IFT43: variants seen among roughly 807,000 people sequenced by gnomAD.
IFT43 encodes the protein intraflagellar transport protein 43 homolog.
Under a neutral mutation model 32.3 loss-of-function variants are expected in IFT43, and 33 were observed. That is an observed-to-expected ratio of 1.02 (90% CI 0.77 to 1.37). The LOEUF is 1.37. Ranked by LOEUF, IFT43 falls within the 40% of genes most tolerant of loss-of-function variation. The probability of loss-of-function intolerance (pLI) is 0.00; values close to 1 mark genes in which losing one functional copy is unlikely to be tolerated. For missense variants in IFT43, 274 were observed against 265.9 expected (o/e 1.03, Z -0.21); for synonymous variants, 93 against 98.2 (o/e 0.95, Z 0.31).
At chr14:76,006,945 T>A (rs958965159) in intron 2 of IFT43, among the ~76,000 whole-genome samples, 1 of 150,116 alleles carries the variant, frequency 6.7e-6, no homozygotes, top group Non-Finnish European at 1.5e-5. Flanking sequence ...GGAGCCTCTA[T>A]CTCCTAGGTT....
intron 2 of IFT43, among the ~76,000 whole-genome samples, chr14:76,012,467 G>A: frequency 6.6e-6 from 1 of 152,160 alleles, no homozygotes; most frequent in Non-Finnish European, 1.5e-5. Context: ...GCTCCTTTTT[G>A]TAGAAAGCTG....
At chr14:76,059,999 T>C (rs936747369) in intron 5 of IFT43, among the ~76,000 whole-genome samples, 2 of 152,180 alleles carry the variant, frequency 1.3e-5, no homozygotes, top group Admixed American at 1.3e-4. Context: ...AGACAACACA[T>C]GTTCTTTATC....
intron 3 of IFT43, among the ~76,000 whole-genome samples, chr14:76,026,552 CAAA>C (rs58799745): frequency 1.2e-5 from 1 of 84,450 alleles, no homozygotes; most frequent in African/African-American, 4.1e-5. Context: ...GAGTGAAACT[CAAA>C]AAAAAAAAAA....
intron 3 of IFT43, 33 bp from the exon 4 acceptor site, chr14:76,058,609 T>C: frequency 6.2e-7 from 1 of 1,605,900 alleles, no homozygotes; most frequent in Non-Finnish European, 8.5e-7. Context: ...TAGTGGGCTC[T>C]CAAAAACCTT....
intron 3 of IFT43, among the ~76,000 whole-genome samples, chr14:76,027,342 A>G (rs1488877486): frequency 4.5e-5 from 2 of 44,110 alleles, no homozygotes; most frequent in East Asian, 3.8e-4. Flanking sequence ...CACCCCCCAC[A>G]CACACACTTT....
chr14:76,043,997 A>C (rs182991479), intron 3 of IFT43, among the ~76,000 whole-genome samples: 1 of 151,228 alleles, frequency 6.6e-6, no homozygotes, highest in Non-Finnish European at 1.5e-5. Flanking sequence ...GGAAACAAAC[A>C]CTTTACTTAC....
intron 3 of IFT43, among the ~76,000 whole-genome samples, chr14:76,053,357 G>A (rs937921558): frequency 6.6e-6 from 1 of 152,074 alleles, no homozygotes; most frequent in Admixed American, 6.5e-5. Flanking sequence ...GAGTGGGTGC[G>A]CTGAGCCAGG....
At chr14:76,029,871 A>ATTTTATTTTATTTTATTTATTTTATT (rs1555365095) in intron 3 of IFT43, among the ~76,000 whole-genome samples, 14 of 142,744 alleles carry the variant, frequency 9.8e-5, no homozygotes, top group African/African-American at 3.7e-4. Flanking sequence ...ATTTTATTTT[A>ATTTTATTTTATTTTATTTATTTTATT]TTTTATTTTA....
chr14:76,082,253 T>C (rs2037523780), intron 5 of IFT43, 42 bp from the exon 6 acceptor site: 2 of 1,584,610 alleles, frequency 1.3e-6, no homozygotes, highest in African/African-American at 2.7e-5. Flanking sequence ...GCACAATCCC[T>C]ATGAGTTCTG....
chr14:76,009,163 T>C (rs984045396), intron 2 of IFT43, among the ~76,000 whole-genome samples: 1 of 152,238 alleles, frequency 6.6e-6, no homozygotes, highest in East Asian at 1.9e-4. Flanking sequence ...GCATGCAACT[T>C]AGCCGCTAGG....
intron 3 of IFT43, among the ~76,000 whole-genome samples, chr14:76,050,932 C>CT: frequency 6.6e-6 from 1 of 152,070 alleles, no homozygotes; most frequent in Middle Eastern, 3.4e-3. Context: ...GTATTTCAAC[C>CT]TTTTTTCACA....
At chr14:76,028,649 C>T (rs578129681) in intron 3 of IFT43, among the ~76,000 whole-genome samples, 1 of 152,134 alleles carries the variant, frequency 6.6e-6, no homozygotes, top group African/African-American at 2.4e-5. Context: ...TCTGTTGTTC[C>T]CTCCTCTATG....
chr14:76,072,885 T>A (rs934755148), intron 5 of IFT43, among the ~76,000 whole-genome samples: 5 of 152,172 alleles, frequency 3.3e-5, no homozygotes, highest in African/African-American at 1.2e-4. Context: ...CTGTCCCACA[T>A]GTGACTGTAC....
chr14:76,012,397 T>TG (rs2036103015), intron 2 of IFT43, among the ~76,000 whole-genome samples: 1 of 152,178 alleles, frequency 6.6e-6, no homozygotes, highest in African/African-American at 2.4e-5. Flanking sequence ...TCCTAGCCCA[T>TG]TCGGATGAGA....
rs375691264 is a variant in IFT43, at chr14:76,036,447, C to G, written c.215+14053C>G. On this transcript the variant is annotated intron_variant, in intron 3 of 8. Transcript: ENST00000314067. Reference sequence around the variant, plus strand: ...TTTTGGTGGAGTCTCACTCTCTTGCCCAGCCTATAATGCAGTGGTGTGATC... The same window carrying G: ...TTTTGGTGGAGTCTCACTCTCTTGCGCAGCCTATAATGCAGTGGTGTGATC... Among the ~76,000 whole-genome samples the G allele has an allele frequency of 8.8e-5, 13 of 148,254 alleles. No individual in the cohort carries two copies. The East Asian group carries it at 2.2e-3, about 25-fold the overall frequency.
chr14:76,036,253 G>A (rs2036595289), intron 3 of IFT43, among the ~76,000 whole-genome samples: 1 of 152,038 alleles, frequency 6.6e-6, no homozygotes, highest in African/African-American at 2.4e-5. Flanking sequence ...TCTCAAAAAT[G>A]TGTTTTATAG....
intron 2 of IFT43, among the ~76,000 whole-genome samples, chr14:76,000,421 C>T (rs189579972): frequency 0.013 from 1,999 of 151,070 alleles, 47 homozygotes; most frequent in African/African-American, 0.047. Context: ...CCTGCCACCA[C>T]GCCAGGCTAA....
intron 2 of IFT43, among the ~76,000 whole-genome samples, chr14:75,997,254 G>A (rs1406673581): frequency 6.6e-6 from 1 of 152,208 alleles, no homozygotes; most frequent in Non-Finnish European, 1.5e-5. Flanking sequence ...GGTCGTAAGT[G>A]ACTTTGTATT....
intron 2 of IFT43, among the ~76,000 whole-genome samples, chr14:76,001,145 TAGAA>T (rs1350244211): frequency 2.0e-5 from 3 of 152,212 alleles, no homozygotes; most frequent in African/African-American, 7.2e-5. Context: ...ATTTGCATCT[TAGAA>T]AGAACACTTT....
Sources: allele counts gnomAD v4.1 joint callset (sites outside exome capture counted in the v4.1 genomes callset), GRCh38; gene constraint gnomAD v4.1.1; transcripts MANE v1.5; gene names NCBI Gene and HGNC (gene_info 2026-07-23, HGNC 2026-07-21).